CARMIL1: variants seen among roughly 807,000 people sequenced by gnomAD.
CARMIL1 encodes F-actin-uncapping protein LRRC16A.
In CARMIL1, 90 loss-of-function variants were observed where a neutral mutation model predicts 177.1. That is an observed-to-expected ratio of 0.51 (90% CI 0.43 to 0.61). The LOEUF (loss-of-function observed/expected upper bound fraction) is 0.61. CARMIL1 is among the 20% of genes least tolerant of loss of function. CARMIL1 has a pLI of 0.00. For missense variants in CARMIL1, 1,380 were observed against 1,667.0 expected (o/e 0.83, Z 3.00); for synonymous variants, 577 against 606.2 (o/e 0.95, Z 0.71).
At chr6:25,283,509 T>G (rs76035204) in intron 1 of CARMIL1, among the ~76,000 whole-genome samples, 5,746 of 152,182 alleles carry the variant, frequency 0.038, 140 homozygotes, top group Middle Eastern at 0.085. Flanking sequence ...TAGGAGATAA[T>G]GAGTTTGATT....
At chr6:25,337,795 C>T (rs535222017) in intron 2 of CARMIL1, among the ~76,000 whole-genome samples, 14 of 152,266 alleles carry the variant, frequency 9.2e-5, no homozygotes, top group African/African-American at 3.1e-4. Flanking sequence ...TCAGAGTGGA[C>T]GTGATATAGT....
intron 5 of CARMIL1, among the ~76,000 whole-genome samples, chr6:25,447,658 G>T (rs1798366486): frequency 6.6e-6 from 1 of 151,726 alleles, no homozygotes; most frequent in Non-Finnish European, 1.5e-5. Flanking sequence ...ACTTCCACTT[G>T]CTTTTGTGGC....
intron 10 of CARMIL1, among the ~76,000 whole-genome samples, chr6:25,471,890 A>G (rs111527110): frequency 0.016 from 2,482 of 152,296 alleles, 42 homozygotes; most frequent in African/African-American, 0.045. Flanking sequence ...TAAAGATTTT[A>G]CTGCTAAGTG....
chr6:25,333,768 G>T (rs1189236080), intron 2 of CARMIL1, among the ~76,000 whole-genome samples: 1 of 152,118 alleles, frequency 6.6e-6, no homozygotes, highest in African/African-American at 2.4e-5. Context: ...GGATGGGTGA[G>T]TTGTTCTTTA....
chr6:25,530,041 A>T (rs1807588992), intron 24 of CARMIL1, among the ~76,000 whole-genome samples: 1 of 152,116 alleles, frequency 6.6e-6, no homozygotes, highest in Non-Finnish European at 1.5e-5. Flanking sequence ...TTATTATAAA[A>T]ATGAGAGATA....
At chr6:25,532,049 G>A (rs1313804823) in intron 24 of CARMIL1, among the ~76,000 whole-genome samples, 1 of 150,918 alleles carries the variant, frequency 6.6e-6, no homozygotes, top group Non-Finnish European at 1.5e-5. Flanking sequence ...GGGATTATAG[G>A]TGTGAGCTAC....
At chr6:25,383,329 TA>T (rs1473432876) in intron 2 of CARMIL1, among the ~76,000 whole-genome samples, 2 of 152,218 alleles carry the variant, frequency 1.3e-5, no homozygotes, top group African/African-American at 2.4e-5. Context: ...GGTGCCATTC[TA>T]AAGTTTTTTT....
rs539374520 is a variant in CARMIL1, at chr6:25,535,964, G to A, written c.2068-1891G>A. The stretch of plus-strand genomic sequence containing the variant: ...TGTTCTTTTGCATGACATTTTAAAT[G>A]TTCTACTTAAAGACCATTTTTGTTG... On this transcript the variant is annotated intron_variant, in intron 24 of 36. Transcript: ENST00000329474. 4.6e-5 allele frequency among the ~76,000 whole-genome samples: 7 copies of A among 152,214 alleles called. No homozygotes were observed. In the South Asian group the frequency reaches 1.2e-3, roughly 27 times the overall value.
At position 25,423,603 on chromosome 6, in the gene CARMIL1, G is replaced by C. The variant is rs570560817; in HGVS notation, c.190-2898G>C. 2.4e-4 allele frequency among the ~76,000 whole-genome samples: 36 copies of C among 152,314 alleles called. 1 individual carries two copies. The South Asian group carries it at 7.3e-3, about 31-fold the overall frequency. On this transcript the variant is annotated intron_variant, in intron 3 of 36. Coordinates refer to ENST00000329474, the MANE Select transcript of CARMIL1 (RefSeq NM_017640.6). ...GACAGGGCCAAGGCCTGGCTGAGGAGCTGAAGCATAGACTGCTGCCTGGGG... is the reference window on the plus strand; with the variant it reads ...GACAGGGCCAAGGCCTGGCTGAGGACCTGAAGCATAGACTGCTGCCTGGGG...
intron 5 of CARMIL1, among the ~76,000 whole-genome samples, chr6:25,440,282 A>C (rs1328881778): frequency 6.6e-6 from 1 of 152,236 alleles, no homozygotes; most frequent in Non-Finnish European, 1.5e-5. Flanking sequence ...CTGGCTTTGC[A>C]GAGGAGATTT....
At chr6:25,415,002 C>T (rs1328225675) in intron 2 of CARMIL1, among the ~76,000 whole-genome samples, 1 of 152,134 alleles carries the variant, frequency 6.6e-6, no homozygotes, top group Non-Finnish European at 1.5e-5. Flanking sequence ...AGGGAGTTGA[C>T]ACAGAGGGCC....
intron 25 of CARMIL1, 126 bp downstream of exon 25, chr6:25,538,109 T>G: frequency 2.9e-6 from 3 of 1,017,046 alleles, no homozygotes; most frequent in Non-Finnish European, 4.2e-6. Flanking sequence ...AGTGGCAAAG[T>G]GAACTGAATT....
chr6:25,491,848 C>G (rs1803269245), intron 14 of CARMIL1, 39 bp downstream of exon 14: 1 of 1,519,964 alleles, frequency 6.6e-7, no homozygotes, highest in South Asian at 1.2e-5. Context: ...TCTGAGGGGT[C>G]TCAGAAGAGC....
At chr6:25,586,477 G>A (rs1390615915) in intron 31 of CARMIL1, among the ~76,000 whole-genome samples, 5 of 147,842 alleles carry the variant, frequency 3.4e-5, no homozygotes, top group Middle Eastern at 3.5e-3. Context: ...CAGACTGGGC[G>A]GGTGGGCAGA....
intron 33 of CARMIL1, among the ~76,000 whole-genome samples, chr6:25,602,417 T>C (rs1216888634): frequency 6.6e-6 from 1 of 152,260 alleles, no homozygotes; most frequent in Non-Finnish European, 1.5e-5. Flanking sequence ...TTTATGTTTT[T>C]CATGATTAAC....
chr6:25,473,532 A>C (rs1304245890), intron 11 of CARMIL1, among the ~76,000 whole-genome samples: 1 of 152,206 alleles, frequency 6.6e-6, no homozygotes, highest in Non-Finnish European at 1.5e-5. Context: ...CATTAAGTGG[A>C]AGTAGATCAT....
chr6:25,479,220 C>T (rs1801866604), intron 11 of CARMIL1: 1 of 518,888 alleles, frequency 1.9e-6, no homozygotes, highest in Admixed American at 1.9e-5. Context: ...AAGATAACTA[C>T]TATTCTGACT....
At chr6:25,489,661 T>A (rs1320301639) in intron 13 of CARMIL1, among the ~76,000 whole-genome samples, 1 of 152,188 alleles carries the variant, frequency 6.6e-6, no homozygotes, top group Non-Finnish European at 1.5e-5. Flanking sequence ...CACTGTGAAA[T>A]TTATTCTTAT....
chr6:25,538,721 C>G (rs1808571215), intron 25 of CARMIL1, among the ~76,000 whole-genome samples: 1 of 152,072 alleles, frequency 6.6e-6, no homozygotes, highest in African/African-American at 2.4e-5. Flanking sequence ...CTCATCACAC[C>G]AGAGTTTATC....
Sources: gnomAD v4.1 joint callset for allele counts (sites outside exome capture counted in the v4.1 genomes callset) on GRCh38, gnomAD v4.1.1 for gene constraint, MANE v1.5 for transcripts, NCBI Gene and HGNC (gene_info 2026-07-23, HGNC 2026-07-21) for gene names.